The following CPO variants were observed in gnomAD, a reference collection of about 807,000 sequenced individuals.
The protein encoded by CPO is carboxypeptidase O, also known as metallocarboxypeptidase C.
Under a neutral mutation model 41.2 loss-of-function variants are expected in CPO, and 43 were observed. The observed-to-expected ratio is 1.04, with a 90% confidence interval of 0.82 to 1.35. The LOEUF (loss-of-function observed/expected upper bound fraction) is 1.35. Among genes scored for constraint, CPO ranks in the 40% most tolerant of loss-of-function variants. The pLI, the probability that CPO is intolerant of heterozygous loss-of-function variation, is 0.00. For missense variants in CPO, 408 were observed against 451.7 expected (o/e 0.90, Z 0.88); for synonymous variants, 178 against 162.7 (o/e 1.09, Z -0.72).
chr2:206,954,967 A>C (rs1368279771), intron 2 of CPO, among the ~76,000 whole-genome samples: 1 of 152,214 alleles, frequency 6.6e-6, no homozygotes, highest in Non-Finnish European at 1.5e-5. Flanking sequence ...CCTCCCACAG[A>C]GTCCCTCCCA....
chr2:206,959,415 A>G (rs1234869339), intron 4 of CPO, among the ~76,000 whole-genome samples: 1 of 152,186 alleles, frequency 6.6e-6, no homozygotes, highest in Admixed American at 6.5e-5. Context: ...GGGAGAGTGG[A>G]TGCCAGCAAT....
intron 1 of CPO, among the ~76,000 whole-genome samples, chr2:206,942,160 G>A (rs991365624): frequency 1.3e-5 from 2 of 152,060 alleles, no homozygotes; most frequent in African/African-American, 4.8e-5. Flanking sequence ...CCATTAAAGA[G>A]TTTTCATTGG....
At chr2:206,960,015 G>T (rs1020232747) in intron 5 of CPO, among the ~76,000 whole-genome samples, 1 of 151,984 alleles carries the variant, frequency 6.6e-6, no homozygotes, top group Non-Finnish European at 1.5e-5. Flanking sequence ...TAATGTTTGT[G>T]GATTGCCTGC....
chr2:206,954,797 G>C (rs1439635339), intron 2 of CPO, among the ~76,000 whole-genome samples: 1 of 152,172 alleles, frequency 6.6e-6, no homozygotes, highest in Non-Finnish European at 1.5e-5. Context: ...TTACAATCAT[G>C]GTGGAAGGGG....
At position 206,962,506 on chromosome 2, in the gene CPO, G is replaced by T; in HGVS notation, c.669G>T (p.Glu223Asp). ...CTAAAGCTGTTGCCAGCTTCATAGAGAGCAAGAAGGATGATATTTTGTGCT... is the reference window on the plus strand; with the variant it reads ...CTAAAGCTGTTGCCAGCTTCATAGATAGCAAGAAGGATGATATTTTGTGCT... ...PETKAVASFI[E>D]SKKDDILCFL... Residue 223 changes from glutamate (E) to aspartate (D), a missense_variant, in exon 7 of 9, where the codon GAG becomes GAT. By Grantham distance (45) the Glu-to-Asp change is conservative. Coordinates refer to ENST00000272852, the MANE Select transcript of CPO (RefSeq NM_173077.3). The T allele has an allele frequency of 1.2e-6, 2 of 1,614,132 alleles. No individual in the cohort carries two copies. The highest frequency in any genetic ancestry group is 1.7e-6 in the Non-Finnish European group (2 of 1,179,976).
intron 1 of CPO, among the ~76,000 whole-genome samples, chr2:206,944,107 A>T (rs1319948645): frequency 2.6e-5 from 4 of 152,054 alleles, no homozygotes; most frequent in Admixed American, 2.6e-4. Context: ...TTTTGCATAG[A>T]GTAGTAAGAA....
intron 6 of CPO, 97 bp downstream of exon 6, chr2:206,961,039 T>A: frequency 1.1e-6 from 1 of 872,620 alleles, no homozygotes; most frequent in Admixed American, 1.8e-5. Flanking sequence ...AAATAACATC[T>A]AATATGGTAC....
intron 7 of CPO, among the ~76,000 whole-genome samples, chr2:206,966,959 G>A (rs1264979653): frequency 6.6e-6 from 1 of 152,068 alleles, no homozygotes; most frequent in Non-Finnish European, 1.5e-5. Flanking sequence ...GGGTTCAGCT[G>A]GACAATACAG....
At chr2:206,948,888 A>T (rs1280664319) in intron 1 of CPO, among the ~76,000 whole-genome samples, 1 of 152,202 alleles carries the variant, frequency 6.6e-6, no homozygotes, top group African/African-American at 2.4e-5. Context: ...GGTGATAATG[A>T]TGTATCAAAG....
intron 2 of CPO, among the ~76,000 whole-genome samples, chr2:206,954,509 C>A (rs997479684): frequency 2.0e-5 from 3 of 152,156 alleles, no homozygotes; most frequent in Non-Finnish European, 4.4e-5. Context: ...TTGGTCAAAG[C>A]CATTCAACGA....
chr2:206,962,971 G>A (rs995127927), intron 7 of CPO, among the ~76,000 whole-genome samples: 1 of 152,210 alleles, frequency 6.6e-6, no homozygotes, highest in African/African-American at 2.4e-5. Flanking sequence ...TTTGAACCGT[G>A]CTTTCAAGAA....
In CPO at chr2:206,942,353, T is replaced by C. The variant is rs75199841; in HGVS notation, c.68+2686T>C. Among the ~76,000 whole-genome samples the C allele has an allele frequency of 9.9e-3, 1,512 of 152,224 alleles. 26 individuals are homozygous for C. The highest frequency in any genetic ancestry group is 0.034 in the African/African-American group (1,427 of 41,542). ...GGAATTATTGATAATTCTTCTCTTT[T>C]CTATTTTTCTCCTCCTTTTTTACCT... On this transcript the variant is annotated intron_variant, in intron 1 of 8. Coordinates refer to ENST00000272852, the MANE Select transcript of CPO (RefSeq NM_173077.3).
chr2:206,946,177 G>GA (rs199994704), intron 1 of CPO, among the ~76,000 whole-genome samples: 1,564 of 150,520 alleles, frequency 0.01, 28 homozygotes, highest in African/African-American at 0.036. Context: ...AGAATTAAAA[G>GA]AAAAAAAAAT....
At position 206,960,915 on chromosome 2, in the gene CPO, A is replaced by C. The variant is rs372312743; in HGVS notation, c.547A>C (p.Asn183His). Residue 183 changes from asparagine (N) to histidine (H), a missense_variant, in exon 6 of 9, where the codon AAT becomes CAT. Physicochemically the swap from Asn to His is moderately conservative, Grantham distance 68 (BLOSUM62 1). Transcript: ENST00000272852. ...TGGCACATGTTTTGGGACGGATCTC[A>C]ATCGAAATTTCAATGCATCTTGGTG... ...NNGTCFGTDL[N>H]RNFNASWCSI... The C allele has an allele frequency of 2.9e-4, 471 of 1,612,954 alleles. No homozygotes were observed. Among genetic ancestry groups the C allele is most frequent in the Non-Finnish European group, 3.9e-4 (461 of 1,179,004 alleles).
At chr2:206,951,256 A>C (rs1243116147) in intron 2 of CPO, among the ~76,000 whole-genome samples, 2 of 152,220 alleles carry the variant, frequency 1.3e-5, no homozygotes, top group African/African-American at 4.8e-5. Flanking sequence ...AATAAACTGA[A>C]TTGTAGCTTC....
chr2:206,962,403 A>G lies in CPO; in HGVS notation c.575-9A>G, dbSNP rs1026086088. 5 of 1,613,144 alleles carry G rather than the reference A, an allele frequency of 3.1e-6. No individual in the cohort carries two copies. The highest frequency in any genetic ancestry group is 2.2e-5 in the East Asian group (1 of 44,874). On this transcript the variant is annotated splice_polypyrimidine_tract_variant and intron_variant, in intron 6 of 8. Transcript: ENST00000272852. ...TGCAGCCTTCTTTGTGGTTTCTTCC[A>G]TATTCTAGGTATTGGTGCCTCTAGA...
intron 8 of CPO, among the ~76,000 whole-genome samples, chr2:206,968,641 G>T (rs926006710): frequency 7.2e-5 from 11 of 152,312 alleles, no homozygotes; most frequent in Admixed American, 6.5e-4. Flanking sequence ...TTAACAGGAA[G>T]GACATTGTCC....
rs1323823770 is a variant in CPO at position 206,955,448 on chromosome 2, C to A, written c.166-15C>A. The A allele has an allele frequency of 1.3e-6, 2 of 1,483,272 alleles. No homozygotes were observed. The highest frequency in any genetic ancestry group is 9.4e-7 in the Non-Finnish European group (1 of 1,060,652). The allele number at this position is 1,483,272 out of a possible 1,614,324, so 91.9% of individuals were successfully genotyped here. ...TCTTCCTACTGATAGCCACAGTCCT[C>A]CCTTGCTGTTTCAGATCTATGAGTG... On this transcript the variant is annotated splice_polypyrimidine_tract_variant and intron_variant, in intron 2 of 8. Transcript: ENST00000272852.
At chr2:206,943,720 TGG>T (rs879821060) in intron 1 of CPO, among the ~76,000 whole-genome samples, 1,696 of 133,766 alleles carry the variant, frequency 0.013, 16 homozygotes, top group South Asian at 0.017. Flanking sequence ...AGATAGATGA[TGG>T]ATAGATGATA....
Sources: allele counts gnomAD v4.1 joint callset (sites outside exome capture counted in the v4.1 genomes callset), GRCh38; gene constraint gnomAD v4.1.1; transcripts MANE v1.5; gene names NCBI Gene and HGNC (gene_info 2026-07-23, HGNC 2026-07-21).